Variants in THADA observed in about 807,000 individuals in gnomAD.
The protein encoded by THADA is tRNA (32-2'-O)-methyltransferase regulator THADA.
Under a neutral mutation model 219.8 loss-of-function variants are expected in THADA, and 213 were observed. That is an observed-to-expected ratio of 0.97 (90% CI 0.87 to 1.09). The LOEUF (loss-of-function observed/expected upper bound fraction) is 1.09, where lower values mean the gene tolerates loss of function less well. THADA is among the 50% of genes least tolerant of loss of function. The probability of loss-of-function intolerance (pLI) is 0.00; values close to 1 mark genes in which losing one functional copy is unlikely to be tolerated. For missense variants in THADA, 2,956 were observed against 2,311.3 expected, an observed-to-expected ratio of 1.28 and a Z score of -5.72; for synonymous variants, 1,018 against 828.9, an observed-to-expected ratio of 1.23 and a Z score of -3.92.
intron 15 of THADA, chr2:43,563,879 C>G (rs1032244894): frequency 6.6e-6 from 1 of 152,302 alleles, no homozygotes; most frequent in Non-Finnish European, 1.5e-5. Context: ...GTAATGCCTG[C>G]AGTATGGCTT....
chr2:43,454,169 C>T (rs1488921744), intron 26 of THADA, among the ~76,000 whole-genome samples: 2 of 152,192 alleles, frequency 1.3e-5, no homozygotes, highest in African/African-American at 4.8e-5. Flanking sequence ...TAAATCAAGT[C>T]TCTTTTCTTC....
intron 36 of THADA, among the ~76,000 whole-genome samples, chr2:43,276,132 C>T (rs1487528503): frequency 6.6e-6 from 1 of 152,112 alleles, no homozygotes; most frequent in Admixed American, 6.5e-5. Flanking sequence ...TTTTTTTTCT[C>T]CTAGCTACAA....
At position 43,527,996 on chromosome 2, in the gene THADA, A is replaced by C. The variant is rs546437238; in HGVS notation, c.3265-8T>G. On this transcript the variant is annotated splice_polypyrimidine_tract_variant and splice_region_variant and intron_variant, in intron 21 of 37. Transcript: ENST00000405975. ...ATCTCCTATTTCTTTTACCTTTAAA[A>C]AAAAAGCAAAAACAAATGTCCGATT... 2.8e-5 allele frequency: 44 copies of C among 1,599,618 alleles called. 1 individual carries two copies. The highest frequency in any genetic ancestry group is 3.8e-5 in the Non-Finnish European group (44 of 1,169,440).
chr2:43,521,603 C>T lies in THADA; in HGVS notation c.3374+6276G>A, dbSNP rs117112271. On this transcript the variant is annotated intron_variant, in intron 22 of 37. Transcript: ENST00000405975. Reference sequence around the variant, plus strand: ...TGTTGCTGTTTTCCTATGCTAAGTGCTATGGCCTAAGCCCCTACTAAAAGT... The same window carrying T: ...TGTTGCTGTTTTCCTATGCTAAGTGTTATGGCCTAAGCCCCTACTAAAAGT... Among the ~76,000 whole-genome samples, 104 of 152,312 alleles carry T rather than the reference C, an allele frequency of 6.8e-4. No individual in the cohort carries two copies. The East Asian group carries it at 0.013, about 19-fold the overall frequency.
chr2:43,559,666 C>G (rs574462457), intron 16 of THADA, among the ~76,000 whole-genome samples: 1 of 152,274 alleles, frequency 6.6e-6, no homozygotes, highest in East Asian at 1.9e-4. Flanking sequence ...ATTCCTACCC[C>G]AAAGTGGGAA....
At chr2:43,409,501 T>C (rs1469391047) in intron 28 of THADA, among the ~76,000 whole-genome samples, 1 of 152,072 alleles carries the variant, frequency 6.6e-6, no homozygotes, top group East Asian at 1.9e-4. Flanking sequence ...GTATCCCAAA[T>C]AGACTACTGC....
At chr2:43,451,372 C>G (rs1682310624) in intron 26 of THADA, among the ~76,000 whole-genome samples, 1 of 152,204 alleles carries the variant, frequency 6.6e-6, no homozygotes, top group Admixed American at 6.5e-5. Flanking sequence ...TTCCAACCTA[C>G]AGAAGCACAT....
intron 29 of THADA, among the ~76,000 whole-genome samples, chr2:43,391,478 A>G (rs372835891): frequency 6.6e-6 from 1 of 152,256 alleles, no homozygotes; most frequent in African/African-American, 2.4e-5. Context: ...TTGGATGTTT[A>G]TAAGGAAGGG....
chr2:43,461,727 G>C (rs1683664043), intron 26 of THADA, among the ~76,000 whole-genome samples: 1 of 152,192 alleles, frequency 6.6e-6, no homozygotes, highest in Non-Finnish European at 1.5e-5. Flanking sequence ...TTCTCCCCTA[G>C]TATCTGTGGC....
At chr2:43,591,883 G>A in intron 3 of THADA, 69 bp downstream of exon 3, 1 of 1,093,860 alleles carries the variant, frequency 9.1e-7, no homozygotes, top group East Asian at 2.9e-5. Context: ...AACTGTCAGT[G>A]ATTTTTTTTA....
chr2:43,421,337 G>A (rs1400115837), intron 28 of THADA, among the ~76,000 whole-genome samples: 1 of 152,212 alleles, frequency 6.6e-6, no homozygotes, highest in East Asian at 1.9e-4. Flanking sequence ...AGCGGGGGAA[G>A]GGTGGGGGCA....
chr2:43,381,269 C>T (rs1429869053), intron 29 of THADA, among the ~76,000 whole-genome samples: 1 of 151,936 alleles, frequency 6.6e-6, no homozygotes, highest in Non-Finnish European at 1.5e-5. Flanking sequence ...ACCCGAAGTA[C>T]AAAATAAATA....
At chr2:43,347,228 G>GGTAAAAT (rs1449102329) in intron 29 of THADA, among the ~76,000 whole-genome samples, 2 of 152,102 alleles carry the variant, frequency 1.3e-5, no homozygotes, top group African/African-American at 4.8e-5. Flanking sequence ...GTTTCTCCAT[G>GGTAAAAT]GTAAATGGCG....
rs536129123 is a variant in THADA, at chr2:43,383,009, C to A, written c.4227+14962G>T. ...AATCTCAATATCAATGTTTTAATTT[C>A]AAAAAATAATCAATGGGTTAAAGAA... On this transcript the variant is annotated intron_variant, in intron 29 of 37. Coordinates refer to ENST00000405975, the MANE Select transcript of THADA (RefSeq NM_022065.5). 2.9e-3 allele frequency among the ~76,000 whole-genome samples: 436 copies of A among 151,982 alleles called. 1 individual carries two copies. Among genetic ancestry groups the A allele is most frequent in the South Asian group, 6.4e-3 (31 of 4,814 alleles).
chr2:43,500,416 A>G (rs1452953668), intron 24 of THADA, among the ~76,000 whole-genome samples: 8 of 152,242 alleles, frequency 5.3e-5, no homozygotes, highest in Admixed American at 3.9e-4. Context: ...TTCCATCAAA[A>G]GATGCATATT....
At position 43,552,089 on chromosome 2, in the gene THADA, C is replaced by T. The variant is rs1696818465; in HGVS notation, c.2810+115G>A. ...TACGTATGTTTTTAAATCTGATTTT[C>T]AATTTTATTCAAAGCAATAGACTGC... On this transcript the variant is annotated intron_variant, in intron 18 of 37. Coordinates refer to ENST00000405975, the MANE Select transcript of THADA (RefSeq NM_022065.5). 2.1e-5 allele frequency: 32 copies of T among 1,516,006 alleles called. No individual in the cohort carries two copies. The East Asian group carries it at 6.3e-4, about 30-fold the overall frequency. The allele number at this position is 1,516,006 out of a possible 1,614,324, so 93.9% of individuals were successfully genotyped here.
intron 26 of THADA, among the ~76,000 whole-genome samples, chr2:43,481,933 G>A (rs1325077261): frequency 1.3e-5 from 2 of 152,166 alleles, no homozygotes; most frequent in Admixed American, 1.3e-4. Flanking sequence ...ACAGCTGAAA[G>A]TTAATACACA....
intron 28 of THADA, among the ~76,000 whole-genome samples, chr2:43,415,595 A>T (rs754801987): frequency 6.6e-6 from 1 of 152,168 alleles, no homozygotes; most frequent in African/African-American, 2.4e-5. Flanking sequence ...ACTCAGGAAT[A>T]TTTATCCAAG....
At chr2:43,556,167 A>G in intron 17 of THADA, 178 bp downstream of exon 17, 1 of 1,285,158 alleles carries the variant, frequency 7.8e-7, no homozygotes. Context: ...TGTTTAGAAA[A>G]AAGTATTATA....
Sources: gnomAD v4.1 joint callset for allele counts (sites outside exome capture counted in the v4.1 genomes callset) on GRCh38, gnomAD v4.1.1 for gene constraint, MANE v1.5 for transcripts, NCBI Gene and HGNC (gene_info 2026-07-23, HGNC 2026-07-21) for gene names.